The following C19orf47 variants were observed in gnomAD, a reference collection of about 807,000 sequenced individuals.
The protein encoded by C19orf47 is chromosome 19 open reading frame 47, also known as uncharacterized protein C19orf47.
A neutral mutation model predicts 32.3 loss-of-function variants in C19orf47; 18 were observed. That is an observed-to-expected ratio of 0.56 (90% CI 0.39 to 0.83). The LOEUF is 0.83. Ranked by LOEUF, C19orf47 falls within the 40% of genes least tolerant of loss-of-function variation. The pLI is 0.00. For synonymous variants in C19orf47, 202 were observed against 211.1 expected, an observed-to-expected ratio of 0.96 and a Z score of 0.37; for missense variants, 484 against 531.6, an observed-to-expected ratio of 0.91 and a Z score of 0.88.
At chr19:40,313,310 G>A in the C19orf47 span, among the ~76,000 whole-genome samples, 5 of 152,092 alleles carry the variant, frequency 3.3e-5, no homozygotes, top group African/African-American at 4.8e-5. Flanking sequence ...TAAACCTATA[G>A]TAATGTTGCT....
chr19:40,296,974 A>G, the C19orf47 span, among the ~76,000 whole-genome samples: 1 of 152,052 alleles, frequency 6.6e-6, no homozygotes, highest in African/African-American at 2.4e-5. Flanking sequence ...ACCTTATGAG[A>G]CCACCATTAT....
chr19:40,327,007 C>CTTTTTTTTTTTT (rs763036518), intron 6 of C19orf47, among the ~76,000 whole-genome samples: 1 of 122,802 alleles, frequency 8.1e-6, no homozygotes, highest in Non-Finnish European at 1.7e-5. Context: ...CTGATTTTAA[C>CTTTTTTTTTTTT]TTTTTTTTTT....
In C19orf47 at chr19:40,330,713, A is replaced by G. The variant is rs543336945; in HGVS notation, c.302-2163T>C. Among the ~76,000 whole-genome samples the G allele has an allele frequency of 3.3e-5, 5 of 151,800 alleles. No individual in the cohort carries two copies. In the East Asian group the frequency reaches 9.7e-4, roughly 29 times the overall value. On this transcript the variant is annotated intron_variant, in intron 5 of 8. Transcript: ENST00000683109. ...CTAATTTACTAATTTTTGTAGAGACAGGGTCTCACTATGTTGCCCAGGCTG... is the reference window on the plus strand; with the variant it reads ...CTAATTTACTAATTTTTGTAGAGACGGGGTCTCACTATGTTGCCCAGGCTG...
intron 6 of C19orf47, among the ~76,000 whole-genome samples, chr19:40,327,121 C>A (rs1179754639): frequency 6.8e-6 from 1 of 146,842 alleles, no homozygotes; most frequent in East Asian, 2.0e-4. Context: ...TCAATCGATT[C>A]TCCTGCCTCA....
chr19:40,306,881 CG>C, the C19orf47 span, among the ~76,000 whole-genome samples: 2 of 151,092 alleles, frequency 1.3e-5, no homozygotes, highest in Non-Finnish European at 2.9e-5. Flanking sequence ...CTCCGCCCCC[CG>C]GGGTTCACGC....
In C19orf47 at chr19:40,321,779, G is replaced by C. The variant is rs1042559005; in HGVS notation, c.*103C>G. 5 of 1,441,590 alleles carry C rather than the reference G, an allele frequency of 3.5e-6. No individual in the cohort carries two copies. Among genetic ancestry groups the C allele is most frequent in the Non-Finnish European group, 4.5e-6 (5 of 1,101,636 alleles). The allele number at this position is 1,441,590 out of a possible 1,614,324, so 89.3% of individuals were successfully genotyped here. ...CTCTAGAGCCCGAGGGAGACAAGCTGTGTCATCCAGGAGCTGGTGGGAGGC... is the reference window on the plus strand; with the variant it reads ...CTCTAGAGCCCGAGGGAGACAAGCTCTGTCATCCAGGAGCTGGTGGGAGGC... On this transcript the variant is annotated 3_prime_UTR_variant, in exon 9 of 9. Transcript: ENST00000683109.
downstream of C19orf47, among the ~76,000 whole-genome samples, chr19:40,317,651 AG>A (rs1016921980): frequency 6.6e-6 from 1 of 151,758 alleles, no homozygotes; most frequent in African/African-American, 2.4e-5. Context: ...AATGCTTCCT[AG>A]GACAAGCCAA....
chr19:40,321,506 G>C lies in C19orf47; in HGVS notation c.*376C>G. The C allele has an allele frequency of 9.7e-7, 1 of 1,035,914 alleles. No individual in the cohort carries two copies. Among genetic ancestry groups the C allele is most frequent in the Non-Finnish European group, 1.2e-6 (1 of 860,882 alleles). 64.2% of individuals were successfully genotyped at this position (1,035,914 alleles called of 1,614,324 possible). A position where few individuals can be genotyped will look rare whatever the true frequency, so the allele number is the denominator to read the frequency against. On this transcript the variant is annotated 3_prime_UTR_variant, in exon 9 of 9. Coordinates refer to ENST00000683109, the MANE Select transcript of C19orf47 (RefSeq NM_001256441.2). ...CAGGTGACACCCACTTAGTTGAGGG[G>C]GACAGGGAGGCTGATGAGCTGGGGT...
At chr19:40,336,749 C>A (rs1318401711) in intron 2 of C19orf47, among the ~76,000 whole-genome samples, 1 of 152,200 alleles carries the variant, frequency 6.6e-6, no homozygotes, top group Non-Finnish European at 1.5e-5. Flanking sequence ...TGCATCACTA[C>A]ACATGCTGGG....
chr19:40,347,685 C>G (rs2078342804), intron 1 of C19orf47, among the ~76,000 whole-genome samples: 1 of 152,134 alleles, frequency 6.6e-6, no homozygotes, highest in South Asian at 2.1e-4. Context: ...GACAGGATGT[C>G]GATTTCCCCG....
At chr19:40,304,179 C>A in the C19orf47 span, among the ~76,000 whole-genome samples, 1 of 152,064 alleles carries the variant, frequency 6.6e-6, no homozygotes, top group Admixed American at 6.6e-5. Context: ...TCATCCACCA[C>A]CAAATCAACT....
At chr19:40,329,613 C>T (rs975013973) in intron 5 of C19orf47, among the ~76,000 whole-genome samples, 1 of 152,144 alleles carries the variant, frequency 6.6e-6, no homozygotes, top group Admixed American at 6.6e-5. Flanking sequence ...ATTATTGGTA[C>T]CCAGAAGTCC....
chr19:40,333,656 C>T (rs1349627742), intron 5 of C19orf47, among the ~76,000 whole-genome samples, 195 bp downstream of exon 5: 3 of 152,192 alleles, frequency 2.0e-5, no homozygotes, highest in Non-Finnish European at 4.4e-5. Flanking sequence ...TTAATGACCA[C>T]AGATGACAAT....
chr19:40,336,606 C>T (rs990566371), intron 2 of C19orf47, among the ~76,000 whole-genome samples, 199 bp from the exon 3 acceptor site: 3 of 152,072 alleles, frequency 2.0e-5, no homozygotes, highest in Non-Finnish European at 2.9e-5. Flanking sequence ...CCTGAGTTGC[C>T]GATGAGGAAA....
At chr19:40,338,842 T>G (rs1454945380) in intron 2 of C19orf47, among the ~76,000 whole-genome samples, 1 of 151,878 alleles carries the variant, frequency 6.6e-6, no homozygotes, top group East Asian at 1.9e-4. Flanking sequence ...CAAGAGAGAG[T>G]GATAAAGATG....
the C19orf47 span, among the ~76,000 whole-genome samples, chr19:40,310,115 C>A: frequency 6.6e-6 from 1 of 152,144 alleles, no homozygotes; most frequent in African/African-American, 2.4e-5. Context: ...GTATAAACAA[C>A]CCAAATGTCC....
chr19:40,310,843 C>T, the C19orf47 span, among the ~76,000 whole-genome samples: 8 of 152,088 alleles, frequency 5.3e-5, no homozygotes, highest in African/African-American at 1.4e-4. Flanking sequence ...GGATGACTGA[C>T]GGATCCAGAG....
At chr19:40,335,770 C>T (rs1042543107) in intron 4 of C19orf47, among the ~76,000 whole-genome samples, 6 of 152,112 alleles carry the variant, frequency 3.9e-5, no homozygotes, top group African/African-American at 7.2e-5. Context: ...CCACCACGCT[C>T]GGCTAATTTT....
At chr19:40,330,489 T>C (rs768510513) in intron 5 of C19orf47, among the ~76,000 whole-genome samples, 2 of 150,810 alleles carry the variant, frequency 1.3e-5, no homozygotes, top group Non-Finnish European at 3.0e-5. Context: ...CTGCCCACCT[T>C]GGCCTCCCAA....
Sources: gnomAD v4.1 joint callset for allele counts (sites outside exome capture counted in the v4.1 genomes callset) on GRCh38, gnomAD v4.1.1 for gene constraint, MANE v1.5 for transcripts, NCBI Gene and HGNC (gene_info 2026-07-23, HGNC 2026-07-21) for gene names.